The following HSD17B12 variants were observed in gnomAD, a reference collection of about 807,000 sequenced individuals.
The protein encoded by HSD17B12 is very-long-chain 3-oxoacyl-CoA reductase.
HSD17B12 carries 32 observed loss-of-function variants against 39.3 expected under a neutral mutation model. The ratio of observed to expected loss-of-function variants is 0.81; its 90% CI spans 0.61 to 1.09. HSD17B12 has a LOEUF of 1.09. HSD17B12 is among the 50% of genes least tolerant of loss of function. HSD17B12 has a pLI of 0.00. For synonymous variants in HSD17B12, 150 were observed against 146.7 expected (o/e 1.02, Z -0.16); for missense variants, 342 against 382.9 (o/e 0.89, Z 0.89).
intron 9 of HSD17B12, among the ~76,000 whole-genome samples, chr11:43,848,958 G>A (rs1951505310): frequency 2.6e-5 from 4 of 152,108 alleles, no homozygotes; most frequent in African/African-American, 9.7e-5. Flanking sequence ...TACACCCATC[G>A]TGGTTTAACA....
At chr11:43,791,749 G>A (rs748416399) in intron 3 of HSD17B12, among the ~76,000 whole-genome samples, 5 of 152,084 alleles carry the variant, frequency 3.3e-5, no homozygotes, top group African/African-American at 9.7e-5. Flanking sequence ...GCCTATTCAC[G>A]TCCTATCAAT....
At chr11:43,619,180 T>TATAA in the HSD17B12 span, among the ~76,000 whole-genome samples, 1 of 75,310 alleles carries the variant, frequency 1.3e-5, no homozygotes, top group Non-Finnish European at 3.0e-5. Flanking sequence ...TATATATATA[T>TATAA]AAAATATATA....
chr11:43,589,076 C>T, the HSD17B12 span, among the ~76,000 whole-genome samples: 1 of 151,676 alleles, frequency 6.6e-6, no homozygotes, highest in Non-Finnish European at 1.5e-5. Context: ...CCTAAATTTT[C>T]AATGTTTAGG....
At chr11:43,679,883 C>G (rs901098934), upstream of HSD17B12, among the ~76,000 whole-genome samples, 1 of 151,918 alleles carries the variant, frequency 6.6e-6, no homozygotes, top group Non-Finnish European at 1.5e-5. Context: ...GTAACCCGGG[C>G]GAATGCCTGC....
the HSD17B12 span, among the ~76,000 whole-genome samples, chr11:43,561,951 T>C: frequency 9.8e-5 from 15 of 152,314 alleles, no homozygotes; most frequent in East Asian, 2.9e-3. Flanking sequence ...TGTGGCACTA[T>C]GTTATAGTGA....
At chr11:43,560,719 G>A in the HSD17B12 span, among the ~76,000 whole-genome samples, 1 of 152,128 alleles carries the variant, frequency 6.6e-6, no homozygotes, top group South Asian at 2.1e-4. Flanking sequence ...CGGGTTCAAA[G>A]ACAAAATTTT....
the HSD17B12 span, among the ~76,000 whole-genome samples, chr11:43,603,340 A>G: frequency 6.6e-6 from 1 of 152,202 alleles, no homozygotes. Context: ...AGTGCTCTAT[A>G]AATGTGATTT....
At chr11:43,805,653 A>G (rs1462694106) in intron 4 of HSD17B12, among the ~76,000 whole-genome samples, 1 of 152,154 alleles carries the variant, frequency 6.6e-6, no homozygotes, top group African/African-American at 2.4e-5. Flanking sequence ...ATTGTTTGGG[A>G]AAAGGGCAGG....
intron 3 of HSD17B12, among the ~76,000 whole-genome samples, chr11:43,776,432 G>A (rs1403462429): frequency 5.3e-5 from 8 of 152,012 alleles, no homozygotes; most frequent in South Asian, 4.2e-4. Context: ...CATGTCCTTC[G>A]CCCACTTTTT....
chr11:43,770,085 T>C lies in HSD17B12; in HGVS notation c.283+15964T>C, dbSNP rs559903387. ...AAAAGCTAACTTTTCCCTGGTATCT[T>C]GATCCCCAGTGTCTTCCTGGTTCCT... On this transcript the variant is annotated intron_variant, in intron 3 of 10. Coordinates refer to ENST00000278353, the MANE Select transcript of HSD17B12 (RefSeq NM_016142.3). 2.6e-4 allele frequency among the ~76,000 whole-genome samples: 39 copies of C among 152,332 alleles called. No homozygotes were observed. In the South Asian group the frequency reaches 7.1e-3, roughly 28 times the overall value.
chr11:43,828,995 T>G (rs1486442718), intron 6 of HSD17B12, among the ~76,000 whole-genome samples: 3 of 152,248 alleles, frequency 2.0e-5, no homozygotes, highest in Non-Finnish European at 4.4e-5. Context: ...AATTTCATTA[T>G]AGATGAAGGC....
At chr11:43,847,457 C>T (rs1424230687) in intron 9 of HSD17B12, among the ~76,000 whole-genome samples, 1 of 152,188 alleles carries the variant, frequency 6.6e-6, no homozygotes, top group Non-Finnish European at 1.5e-5. Context: ...ATAATCCCAG[C>T]ATTTTGGGAG....
chr11:43,755,123 A>AT (rs1409168590), intron 3 of HSD17B12: 2 of 351,052 alleles, frequency 5.7e-6, no homozygotes, highest in African/African-American at 2.1e-5. Flanking sequence ...TGTTGGGTAT[A>AT]TTTTTTATTA....
the HSD17B12 span, among the ~76,000 whole-genome samples, chr11:43,639,641 T>G: frequency 6.6e-6 from 1 of 151,584 alleles, no homozygotes; most frequent in Non-Finnish European, 1.5e-5. Flanking sequence ...TGCAAACTTG[T>G]ACCACAAAAG....
chr11:43,717,713 A>G (rs565893635), intron 1 of HSD17B12, among the ~76,000 whole-genome samples: 45 of 151,906 alleles, frequency 3.0e-4, no homozygotes, highest in African/African-American at 9.2e-4. Context: ...TGGTACTGAG[A>G]TTGTTCCAAG....
intron 1 of HSD17B12, among the ~76,000 whole-genome samples, chr11:43,747,109 T>A (rs1247141644): frequency 2.0e-5 from 3 of 152,234 alleles, no homozygotes; most frequent in Non-Finnish European, 4.4e-5. Context: ...TGTCCAAGTC[T>A]TGCGTGTTTT....
intron 7 of HSD17B12, among the ~76,000 whole-genome samples, chr11:43,832,880 A>C (rs888280431): frequency 7.9e-5 from 12 of 151,928 alleles, no homozygotes; most frequent in African/African-American, 2.9e-4. Flanking sequence ...AAGTACAAAA[A>C]CATTAGCTGG....
chr11:43,577,605 T>C, the HSD17B12 span, among the ~76,000 whole-genome samples: 1 of 152,132 alleles, frequency 6.6e-6, no homozygotes, highest in East Asian at 1.9e-4. Context: ...CCCCTCCCAC[T>C]TCATGCCCCC....
intron 1 of HSD17B12, among the ~76,000 whole-genome samples, chr11:43,685,018 G>C (rs1302529408): frequency 6.6e-6 from 1 of 152,094 alleles, no homozygotes; most frequent in African/African-American, 2.4e-5. Context: ...TTTCATCTAT[G>C]AAATCTGTAC....
Sources: gnomAD v4.1 joint callset for allele counts (sites outside exome capture counted in the v4.1 genomes callset) on GRCh38, gnomAD v4.1.1 for gene constraint, MANE v1.5 for transcripts, NCBI Gene and HGNC (gene_info 2026-07-23, HGNC 2026-07-21) for gene names.